Variants in ADIPOR1 observed in about 807,000 individuals in gnomAD.
The protein encoded by ADIPOR1 is adiponectin receptor protein 1.
Under a neutral mutation model 37.5 loss-of-function variants are expected in ADIPOR1, and 15 were observed. The observed-to-expected ratio is 0.40, with a 90% confidence interval of 0.27 to 0.62. The LOEUF (loss-of-function observed/expected upper bound fraction) is 0.62. Among genes scored for constraint, ADIPOR1 ranks in the 20% least tolerant of loss-of-function variants. ADIPOR1 has a pLI of 0.42. For missense variants in ADIPOR1, 286 were observed against 478.0 expected, an observed-to-expected ratio of 0.60 and a Z score of 3.75; for synonymous variants, 173 against 173.2, an observed-to-expected ratio of 1.00 and a Z score of 0.01.
intron 1 of ADIPOR1, among the ~76,000 whole-genome samples, chr1:202,953,567 A>T (rs201350626): frequency 6.6e-6 from 1 of 151,752 alleles, no homozygotes; most frequent in African/African-American, 2.4e-5. Flanking sequence ...GCTTATGTGC[A>T]TTTTCTTGTG....
chr1:202,946,670 C>G, intron 3 of ADIPOR1, 60 bp from the exon 4 acceptor site: 1 of 1,561,522 alleles, frequency 6.4e-7, no homozygotes, highest in Non-Finnish European at 8.8e-7. Flanking sequence ...CAAGGACAAG[C>G]AGTGATGGAG....
intron 6 of ADIPOR1, 63 bp from the exon 7 acceptor site, chr1:202,942,281 G>C (rs1654125442): frequency 6.9e-7 from 1 of 1,451,026 alleles, no homozygotes; most frequent in Non-Finnish European, 9.3e-7. Context: ...AGGCACTGCT[G>C]TCTTACTCTG....
chr1:202,946,613 A>G lies in ADIPOR1; in HGVS notation c.259-3T>C, dbSNP rs766179380. The stretch of plus-strand genomic sequence containing the variant: ...ACCCTCCAACGTCCCTCCCAGACCT[A>G]GAACATATACACTTTCTCTGGGTAG... On this transcript the variant is annotated splice_polypyrimidine_tract_variant and splice_region_variant and intron_variant, in intron 3 of 7. Coordinates refer to ENST00000340990, the MANE Select transcript of ADIPOR1 (RefSeq NM_015999.6). The G allele has an allele frequency of 4.3e-6, 7 of 1,613,992 alleles. No individual in the cohort carries two copies. In the South Asian group the frequency reaches 5.5e-5, roughly 13 times the overall value.
Position 202,944,789 on chromosome 1 carries a change from G to C in ADIPOR1, c.617+194C>G, listed in dbSNP as rs12034229. 2.4e-3 allele frequency: 1,098 copies of C among 459,966 alleles called. 14 individuals carry two copies. The East Asian group carries it at 0.025, about 10-fold the overall frequency. 28.5% of individuals were successfully genotyped at this position (459,966 alleles called of 1,614,324 possible). ...GGTCTCTCCATCTGTTGAAGAGGAT[G>C]CAGTAAGTCTGTTCATGAAGTGTTT... On this transcript the variant is annotated intron_variant, in intron 5 of 7. Coordinates refer to ENST00000340990, the MANE Select transcript of ADIPOR1 (RefSeq NM_015999.6).
intron 1 of ADIPOR1, among the ~76,000 whole-genome samples, chr1:202,954,632 G>T (rs1291931560): frequency 6.6e-6 from 1 of 152,142 alleles, no homozygotes; most frequent in Non-Finnish European, 1.5e-5. Context: ...TTTTTGATGA[G>T]ATTTCTTCAA....
At chr1:202,944,087 T>G (rs1402740222) in intron 5 of ADIPOR1, 142 bp from the exon 6 acceptor site, 1 of 727,244 alleles carries the variant, frequency 1.4e-6, no homozygotes, top group East Asian at 2.7e-5. Flanking sequence ...TCCCATACAA[T>G]CTATCCTGTA....
Position 202,946,602 on chromosome 1 carries a change from C to G in ADIPOR1, c.267G>C (p.Glu89Asp), listed in dbSNP as rs772885058. 1.2e-6 allele frequency: 2 copies of G among 1,614,044 alleles called. No homozygotes were observed. The highest frequency in any genetic ancestry group is 1.7e-6 in the Non-Finnish European group (2 of 1,180,020). Residue 89 changes from glutamate (E) to aspartate (D), a missense_variant, in exon 4 of 8, where the codon GAG becomes GAC. Physicochemically the swap from Glu to Asp is conservative, Grantham distance 45. Coordinates refer to ENST00000340990, the MANE Select transcript of ADIPOR1 (RefSeq NM_015999.6). Reference sequence around the variant, plus strand: ...CATATGGGATGACCCTCCAACGTCCCTCCCAGACCTAGAACATATACACTT... The same window carrying G: ...CATATGGGATGACCCTCCAACGTCCGTCCCAGACCTAGAACATATACACTT... ...KMEEFVYKVW[E>D]GRWRVIPYDV...
chr1:202,952,647 G>A (rs552405768), intron 1 of ADIPOR1, among the ~76,000 whole-genome samples: 9 of 152,102 alleles, frequency 5.9e-5, no homozygotes, highest in Admixed American at 2.0e-4. Flanking sequence ...ATTCCGGGAC[G>A]TGCACCAATA....
intron 2 of ADIPOR1, among the ~76,000 whole-genome samples, chr1:202,949,067 A>C (rs1654451314): frequency 6.6e-6 from 1 of 151,654 alleles, no homozygotes; most frequent in African/African-American, 2.4e-5. Context: ...CTGGGATTAC[A>C]GGCTGAGCCA....
At chr1:202,949,881 T>C (rs1654497020) in intron 2 of ADIPOR1, among the ~76,000 whole-genome samples, 1 of 152,186 alleles carries the variant, frequency 6.6e-6, no homozygotes, top group Non-Finnish European at 1.5e-5. Flanking sequence ...GGCTGCACTT[T>C]CTAACCTCCA....
intron 2 of ADIPOR1, 96 bp downstream of exon 2, chr1:202,950,834 C>T: frequency 6.6e-7 from 1 of 1,506,596 alleles, no homozygotes; most frequent in South Asian, 1.2e-5. Flanking sequence ...ATGCAATGTT[C>T]CTCCTTTTGG....
In ADIPOR1 at chr1:202,943,860, G is replaced by A. The variant is rs1654198496; in HGVS notation, c.703C>T (p.Arg235Trp). 1.9e-6 allele frequency: 3 copies of A among 1,614,052 alleles called. No homozygotes were observed. The highest frequency in any genetic ancestry group is 2.5e-6 in the Non-Finnish European group (3 of 1,180,020). Reference protein sequence around the residue: ...YYSFYCSPQPRLIYLSIVCVL... With the variant: ...YYSFYCSPQPWLIYLSIVCVL... ...CAGACGATGGAGAGGTAGATGAGCC[G>A]TGGCTGTGGGGAGCAGTAGAAGGAA... Residue 235 changes from arginine (R) to tryptophan (W), a missense_variant, in exon 6 of 8, where the codon CGG becomes TGG. Coordinates refer to ENST00000340990, the MANE Select transcript of ADIPOR1 (RefSeq NM_015999.6).
In ADIPOR1 at chr1:202,948,426, G is replaced by A. The variant is rs766562947; in HGVS notation, c.142-6C>T. 1.2e-6 allele frequency: 2 copies of A among 1,612,424 alleles called. No individual in the cohort carries two copies. Among genetic ancestry groups the A allele is most frequent in the Non-Finnish European group, 1.7e-6 (2 of 1,178,698 alleles). ...CATGTTTGCTCTTCTTCAGCCTATG[G>A]GGGAAAAAACCCACAACAATCCAGG... On this transcript the variant is annotated splice_polypyrimidine_tract_variant and splice_region_variant and intron_variant, in intron 2 of 7. Coordinates refer to ENST00000340990, the MANE Select transcript of ADIPOR1 (RefSeq NM_015999.6).
intron 1 of ADIPOR1, among the ~76,000 whole-genome samples, chr1:202,956,760 G>A (rs1304556337): frequency 6.6e-6 from 1 of 152,170 alleles, no homozygotes; most frequent in Non-Finnish European, 1.5e-5. Context: ...GTCCTGGAAA[G>A]GTAAAATGAG....
chr1:202,944,321 CA>C, intron 5 of ADIPOR1: 1 of 169,668 alleles, frequency 5.9e-6, no homozygotes, highest in Non-Finnish European at 1.3e-5. Flanking sequence ...GTTCTAAAAA[CA>C]AAATTCTTAA....
rs901893326 is a variant in ADIPOR1, at chr1:202,958,219, C to T, written c.-129G>A. On this transcript the variant is annotated 5_prime_UTR_variant, in exon 1 of 8. Transcript: ENST00000340990. ...GGCGGGCTCTGCTGGGGGCCGCGGT[C>T]CCCCGCGCTACATCCCGCGGCGCTG... The T allele has an allele frequency of 6.6e-6, 1 of 152,016 alleles. No individual in the cohort carries two copies. The highest frequency in any genetic ancestry group is 1.5e-5 in the Non-Finnish European group (1 of 67,966). The allele number at this position is 152,016 out of a possible 1,614,324, so 9.4% of individuals were successfully genotyped here.
chr1:202,956,243 C>T (rs1239023712), intron 1 of ADIPOR1, among the ~76,000 whole-genome samples: 1 of 152,136 alleles, frequency 6.6e-6, no homozygotes, highest in African/African-American at 2.4e-5. Context: ...GATATAAAGA[C>T]GACTGCTTAT....
intron 2 of ADIPOR1, among the ~76,000 whole-genome samples, chr1:202,949,375 T>C (rs532546703): frequency 6.6e-6 from 1 of 150,646 alleles, no homozygotes; most frequent in African/African-American, 2.4e-5. Context: ...GGTCAGGAGA[T>C]CGAGACCATC....
At chr1:202,955,117 C>T (rs1253893397) in intron 1 of ADIPOR1, among the ~76,000 whole-genome samples, 1 of 152,156 alleles carries the variant, frequency 6.6e-6, no homozygotes, top group Admixed American at 6.5e-5. Flanking sequence ...TGTTTGAAAT[C>T]ACCGAACTAC....
Sources: allele counts gnomAD v4.1 joint callset (sites outside exome capture counted in the v4.1 genomes callset), GRCh38; gene constraint gnomAD v4.1.1; transcripts MANE v1.5; gene names NCBI Gene and HGNC (gene_info 2026-07-23, HGNC 2026-07-21).